Variants in ITGB3BP observed in about 807,000 individuals in gnomAD.
ITGB3BP encodes integrin subunit beta 3 binding protein.
ITGB3BP carries 27 observed loss-of-function variants against 29.1 expected under a neutral mutation model. The ratio of observed to expected loss-of-function variants is 0.93; its 90% CI spans 0.68 to 1.28. ITGB3BP has a LOEUF of 1.28. Among genes scored for constraint, ITGB3BP ranks in the 50% most tolerant of loss-of-function variants. The pLI, the probability that ITGB3BP is intolerant of heterozygous loss-of-function variation, is 0.00. For synonymous variants in ITGB3BP, 61 were observed against 61.4 expected (o/e 0.99, Z 0.03); for missense variants, 192 against 200.2 (o/e 0.96, Z 0.25).
At position 63,441,081 on chromosome 1, in the gene ITGB3BP, G is replaced by A. The variant is rs916114894; in HGVS notation, c.*24C>T. The A allele has an allele frequency of 6.6e-6, 1 of 152,510 alleles. No homozygotes were observed. Among genetic ancestry groups the A allele is most frequent in the African/African-American group, 2.4e-5 (1 of 41,440 alleles). 9.4% of individuals were successfully genotyped at this position (152,510 alleles called of 1,614,324 possible). A position where few individuals can be genotyped will look rare whatever the true frequency, so the allele number is the denominator to read the frequency against. Reference sequence around the variant, plus strand: ...GCAGATGCAGAAGTTGGTGCTCATGGTGAGTGCATTTCTTCTTAATGCCTG... The same window carrying A: ...GCAGATGCAGAAGTTGGTGCTCATGATGAGTGCATTTCTTCTTAATGCCTG... On this transcript the variant is annotated 3_prime_UTR_variant, in exon 9 of 9. Coordinates refer to ENST00000271002, the MANE Select transcript of ITGB3BP (RefSeq NM_014288.5).
intron 3 of ITGB3BP, among the ~76,000 whole-genome samples, chr1:63,479,810 G>A (rs956374134): frequency 2.0e-5 from 3 of 152,082 alleles, no homozygotes; most frequent in African/African-American, 7.2e-5. Flanking sequence ...ATTCCACTGA[G>A]TATATATACC....
chr1:63,468,194 C>T (rs766359856), intron 4 of ITGB3BP, among the ~76,000 whole-genome samples: 1 of 152,160 alleles, frequency 6.6e-6, no homozygotes, highest in Non-Finnish European at 1.5e-5. Flanking sequence ...TTCCTACTTC[C>T]AATTTTATAA....
chr1:63,455,416 A>C (rs965100856), intron 4 of ITGB3BP, among the ~76,000 whole-genome samples: 3 of 152,166 alleles, frequency 2.0e-5, no homozygotes, highest in African/African-American at 7.2e-5. Flanking sequence ...TTTAAAAAAA[A>C]AAATTGTGTA....
At chr1:63,441,819 G>C (rs1644734290) in intron 8 of ITGB3BP, among the ~76,000 whole-genome samples, 1 of 152,162 alleles carries the variant, frequency 6.6e-6, no homozygotes, top group Non-Finnish European at 1.5e-5. Flanking sequence ...TCCTAGTGGT[G>C]GTAGAGGCTC....
intron 4 of ITGB3BP, among the ~76,000 whole-genome samples, chr1:63,472,764 C>T (rs1357122653): frequency 4.6e-5 from 7 of 151,696 alleles, no homozygotes; most frequent in Non-Finnish European, 7.4e-5. Flanking sequence ...GACAGAGTCT[C>T]GTTCACTCAG....
chr1:63,468,946 G>A (rs1306483257), intron 4 of ITGB3BP, among the ~76,000 whole-genome samples: 1 of 151,926 alleles, frequency 6.6e-6, no homozygotes, highest in African/African-American at 2.4e-5. Flanking sequence ...AGCTACTCGG[G>A]AGCCTGAGGC....
At chr1:63,502,958 G>C (rs566182724) in intron 2 of ITGB3BP, among the ~76,000 whole-genome samples, 1 of 152,208 alleles carries the variant, frequency 6.6e-6, no homozygotes, top group East Asian at 1.9e-4. Flanking sequence ...ATTGTGAATA[G>C]TGCTGCAATA....
At chr1:63,497,480 G>A (rs918082957) in intron 2 of ITGB3BP, among the ~76,000 whole-genome samples, 7 of 152,106 alleles carry the variant, frequency 4.6e-5, no homozygotes, top group East Asian at 1.9e-4. Context: ...TTTACCTGCC[G>A]TAAAAGCACT....
At chr1:63,503,075 C>T (rs1645979800) in intron 2 of ITGB3BP, among the ~76,000 whole-genome samples, 1 of 152,248 alleles carries the variant, frequency 6.6e-6, no homozygotes, top group East Asian at 1.9e-4. Context: ...TTCTAGATCC[C>T]TGAGGAATCG....
chr1:63,514,219 T>C (rs1378726003), intron 1 of ITGB3BP, among the ~76,000 whole-genome samples: 1 of 152,238 alleles, frequency 6.6e-6, no homozygotes, highest in Non-Finnish European at 1.5e-5. Flanking sequence ...TCATTTATTT[T>C]TAATTAATAT....
intron 1 of ITGB3BP, chr1:63,510,174 G>C: frequency 2.0e-6 from 1 of 512,596 alleles, no homozygotes; most frequent in South Asian, 2.8e-5. Context: ...TGGGCAACGG[G>C]AGCAAAACTG....
intron 2 of ITGB3BP, among the ~76,000 whole-genome samples, chr1:63,498,953 G>A (rs555243633): frequency 3.3e-5 from 5 of 152,214 alleles, no homozygotes; most frequent in Admixed American, 2.0e-4. Flanking sequence ...GGGCTACTAT[G>A]ACCAACTGCA....
intron 2 of ITGB3BP, among the ~76,000 whole-genome samples, chr1:63,495,701 A>C (rs1645769646): frequency 6.6e-6 from 1 of 152,114 alleles, no homozygotes; most frequent in African/African-American, 2.4e-5. Flanking sequence ...AGGCAAATTA[A>C]TTCTAACCAT....
intron 4 of ITGB3BP, among the ~76,000 whole-genome samples, chr1:63,462,919 G>A (rs1645040178): frequency 6.6e-6 from 1 of 152,120 alleles, no homozygotes; most frequent in South Asian, 2.1e-4. Flanking sequence ...ATCTAAAAAA[G>A]TTACTCTTCT....
At chr1:63,474,889 TA>T (rs71052480) in intron 4 of ITGB3BP, among the ~76,000 whole-genome samples, 140,587 of 145,062 alleles carry the variant, frequency 0.97, 68,211 homozygotes, top group Non-Finnish European at 1. Context: ...GAATGATCAA[TA>T]AAAAAAAAAA....
chr1:63,443,935 A>G (rs1476811831), intron 8 of ITGB3BP, among the ~76,000 whole-genome samples: 2 of 152,160 alleles, frequency 1.3e-5, no homozygotes, highest in Non-Finnish European at 2.9e-5. Flanking sequence ...AGGAGACTAT[A>G]ATAATTTGGA....
chr1:63,444,430 A>G (rs1280014062), intron 8 of ITGB3BP, among the ~76,000 whole-genome samples: 3 of 147,844 alleles, frequency 2.0e-5, no homozygotes, highest in Admixed American at 6.8e-5. Flanking sequence ...ATGGATATAT[A>G]TAAGATATAT....
At chr1:63,469,156 C>T (rs1302380603) in intron 4 of ITGB3BP, among the ~76,000 whole-genome samples, 1 of 151,368 alleles carries the variant, frequency 6.6e-6, no homozygotes, top group African/African-American at 2.4e-5. Flanking sequence ...ACATTATCTA[C>T]CTCACTGGGT....
intron 1 of ITGB3BP, among the ~76,000 whole-genome samples, chr1:63,517,842 C>T (rs1171318891): frequency 1.2e-4 from 19 of 152,206 alleles, no homozygotes; most frequent in Admixed American, 1.2e-3. Context: ...CTGCCTCAGC[C>T]TCCCAAGTAG....
Sources: gnomAD v4.1 joint callset for allele counts (sites outside exome capture counted in the v4.1 genomes callset) on GRCh38, gnomAD v4.1.1 for gene constraint, MANE v1.5 for transcripts, NCBI Gene and HGNC (gene_info 2026-07-23, HGNC 2026-07-21) for gene names.